ITIH3: variants seen among roughly 807,000 people sequenced by gnomAD.
ITIH3 encodes inter-alpha-trypsin inhibitor heavy chain 3.
ITIH3 carries 81 observed loss-of-function variants against 96.5 expected under a neutral mutation model. The observed-to-expected ratio is 0.84, with a 90% CI of 0.70 to 1.01. The LOEUF (loss-of-function observed/expected upper bound fraction) is 1.01, where lower values mean the gene tolerates loss of function less well. Ranked by LOEUF, ITIH3 falls within the 50% of genes least tolerant of loss-of-function variation. The pLI is 0.00. For missense variants in ITIH3, 1,057 were observed against 1,139.3 expected (o/e 0.93, Z 1.04); for synonymous variants, 422 against 445.2 (o/e 0.95, Z 0.66).
chr3:52,800,754 A>T, intron 10 of ITIH3, 91 bp downstream of exon 10: 1 of 1,532,868 alleles, frequency 6.5e-7, no homozygotes. Flanking sequence ...AACCTGGGGC[A>T]GCTCTTCCCT....
chr3:52,795,892 T>C (rs1251048303), intron 2 of ITIH3: 13 of 475,992 alleles, frequency 2.7e-5, no homozygotes, highest in Non-Finnish European at 4.5e-5. Context: ...CACTTGCTGG[T>C]ACCTGGCTCT....
chr3:52,805,746 G>A (rs1700014410), intron 15 of ITIH3, 62 bp from the exon 16 acceptor site: 1 of 1,608,806 alleles, frequency 6.2e-7, no homozygotes, highest in African/African-American at 1.3e-5. Flanking sequence ...CAGGAGGAAG[G>A]CACGGGGCTG....
At chr3:52,801,703 A>G (rs1158360169) in intron 11 of ITIH3, among the ~76,000 whole-genome samples, 1 of 152,190 alleles carries the variant, frequency 6.6e-6, no homozygotes, top group African/African-American at 2.4e-5. Context: ...CATCAATCAT[A>G]TTGGATTAGG....
intron 13 of ITIH3, 70 bp from the exon 14 acceptor site, chr3:52,803,785 G>A (rs2154110117): frequency 6.4e-7 from 1 of 1,558,874 alleles, no homozygotes; most frequent in Non-Finnish European, 8.8e-7. Flanking sequence ...TGTGTCCACT[G>A]CTCCAGTGCA....
intron 10 of ITIH3, 56 bp from the exon 11 acceptor site, chr3:52,800,909 G>A: frequency 1.9e-6 from 3 of 1,606,162 alleles, no homozygotes; most frequent in South Asian, 1.1e-5. Context: ...AGACAGAGCT[G>A]GTCTAGACCA....
At chr3:52,800,702 T>C (rs1262973541) in intron 10 of ITIH3, 39 bp downstream of exon 10, 1 of 1,588,048 alleles carries the variant, frequency 6.3e-7, no homozygotes, top group African/African-American at 1.3e-5. Context: ...AGGGCTGGAG[T>C]GCTTGGCTGC....
chr3:52,801,563 G>C (rs993570262), intron 11 of ITIH3, among the ~76,000 whole-genome samples: 3 of 152,112 alleles, frequency 2.0e-5, no homozygotes, highest in African/African-American at 7.2e-5. Flanking sequence ...GGTTCCTTCT[G>C]AGGGCTATGA....
rs1186560499 is a variant in ITIH3, at chr3:52,803,922, C to T, written c.1777C>T (p.His593Tyr). The T allele has an allele frequency of 6.2e-7, 1 of 1,613,976 alleles. No individual in the cohort carries two copies. ...ARALDLSLKYHFVTPLTSMVV... is the reference protein window; with the variant it reads ...ARALDLSLKYYFVTPLTSMVV... ...GGCCCTGGACCTGTCCCTCAAGTAT[C>T]ACTTTGTGACTCCACTGACCTCAAT... The change falls in exon 14 of 22, where the codon CAC becomes TAC. Residue 593 changes from histidine (H) to tyrosine (Y), a missense_variant. His to Tyr is a moderately conservative substitution (Grantham distance 83). Coordinates refer to ENST00000449956, the MANE Select transcript of ITIH3 (RefSeq NM_002217.4).
intron 6 of ITIH3, chr3:52,798,635 G>A (rs1699687915): frequency 6.2e-6 from 2 of 323,362 alleles, no homozygotes; most frequent in Admixed American, 8.4e-5. Context: ...AAGGTAGCCT[G>A]GGCTAATGGG....
chr3:52,799,654 G>C, intron 8 of ITIH3, 99 bp from the exon 9 acceptor site: 1 of 1,312,966 alleles, frequency 7.6e-7, no homozygotes, highest in East Asian at 2.5e-5. Flanking sequence ...CTCAGGCAGG[G>C]CTCGCTGGTG....
At chr3:52,800,451 GGCTGTCCCGGCCTCCT>G in intron 9 of ITIH3, 71 bp from the exon 10 acceptor site, 1 of 1,504,436 alleles carries the variant, frequency 6.6e-7, no homozygotes. Context: ...GAGTGGGGCC[GGCTGTCCCGGCCTCCT>G]CCGCTCCAGC....
At chr3:52,805,745 G>A (rs1185660034) in intron 15 of ITIH3, 63 bp from the exon 16 acceptor site, 2 of 1,607,546 alleles carry the variant, frequency 1.2e-6, no homozygotes, top group Admixed American at 1.7e-5. Context: ...ACAGGAGGAA[G>A]GCACGGGGCT....
rs750224463 is a variant in ITIH3, at chr3:52,804,000, C to T, written c.1855C>T (p.Pro619Ser). ...GGATGAGAGGGCCATTGCCGACAAG[C>T]CTGGGGAAGGTGGGGATAGGGATGG... ...NEDERAIADKPGEDAEATPVS... is the reference protein window; with the variant it reads ...NEDERAIADKSGEDAEATPVS... The change falls in exon 14 of 22, where the codon CCT becomes TCT. Residue 619 changes from proline to serine, a missense_variant. Transcript: ENST00000449956. 3.1e-6 allele frequency: 5 copies of T among 1,612,788 alleles called. No homozygotes were observed. The highest frequency in any genetic ancestry group is 4.2e-6 in the Non-Finnish European group (5 of 1,179,474).
chr3:52,796,464 C>T lies in ITIH3; in HGVS notation c.115-17C>T. Reference sequence around the variant, plus strand: ...CAGTGTCCCAGTCTGGCTGATTCTCCACCCACCTCCCCAAAGGTGGCCAAT... The same window carrying T: ...CAGTGTCCCAGTCTGGCTGATTCTCTACCCACCTCCCCAAAGGTGGCCAAT... On this transcript the variant is annotated splice_polypyrimidine_tract_variant and intron_variant, in intron 2 of 21. Transcript: ENST00000449956. The T allele has an allele frequency of 1.2e-6, 2 of 1,606,336 alleles. No individual in the cohort carries two copies. Among genetic ancestry groups the T allele is most frequent in the South Asian group, 2.2e-5 (2 of 90,356 alleles).
At chr3:52,803,189 G>A (rs919853745) in intron 13 of ITIH3, among the ~76,000 whole-genome samples, 2 of 152,226 alleles carry the variant, frequency 1.3e-5, no homozygotes, top group Admixed American at 6.5e-5. Context: ...AGACTGTGAA[G>A]CCGTTAGTAC....
chr3:52,799,988 A>G, intron 9 of ITIH3, 67 bp downstream of exon 9: 1 of 1,497,132 alleles, frequency 6.7e-7, no homozygotes, highest in Non-Finnish European at 9.1e-7. Context: ...GCAGCCTGCA[A>G]CCCCCCTCTT....
rs760955000 is a variant in ITIH3 at position 52,807,841 on chromosome 3, C to G, written c.2356C>G (p.Pro786Ala). The G allele has an allele frequency of 4.3e-6, 7 of 1,611,398 alleles. No individual in the cohort carries two copies. Among genetic ancestry groups the G allele is most frequent in the Non-Finnish European group, 5.9e-6 (7 of 1,178,834 alleles). Reference sequence around the variant, plus strand: ...CCTACACCAGGTGTGGAAGAAACATCCTGTCCACCGTGACTTTCTAGGCTT... The same window carrying G: ...CCTACACCAGGTGTGGAAGAAACATGCTGTCCACCGTGACTTTCTAGGCTT... ...VVLHQVWKKH[P>A]VHRDFLGFYV... Residue 786 changes from proline to alanine, a missense_variant, in exon 20 of 22, where the codon CCT (proline) becomes GCT (alanine). By Grantham distance (27) the Pro-to-Ala change is conservative. Coordinates refer to ENST00000449956, the MANE Select transcript of ITIH3 (RefSeq NM_002217.4).
At chr3:52,808,403 G>T (rs146345616) in intron 21 of ITIH3, 149 bp from the exon 22 acceptor site, 1 of 1,258,766 alleles carries the variant, frequency 7.9e-7, no homozygotes, top group East Asian at 2.4e-5. Flanking sequence ...TGGCTTCCTC[G>T]AAAGAGTAAT....
At chr3:52,807,383 G>T (rs1490891097) in intron 19 of ITIH3, among the ~76,000 whole-genome samples, 1 of 152,164 alleles carries the variant, frequency 6.6e-6, no homozygotes, top group Non-Finnish European at 1.5e-5. Context: ...TTCTGTGGCT[G>T]CTCTTGTCTT....
Sources: allele counts gnomAD v4.1 joint callset (sites outside exome capture counted in the v4.1 genomes callset), GRCh38; gene constraint gnomAD v4.1.1; transcripts MANE v1.5; gene names NCBI Gene and HGNC (gene_info 2026-07-23, HGNC 2026-07-21).